The following ZRANB3 variants were observed in gnomAD, a reference collection of about 807,000 sequenced individuals.
ZRANB3 encodes zinc finger RANBP2-type containing 3, also known as DNA annealing helicase and endonuclease ZRANB3.
A neutral mutation model predicts 133.8 loss-of-function variants in ZRANB3; 125 were observed. The ratio of observed to expected loss-of-function variants is 0.93; its 90% CI spans 0.81 to 1.08. The LOEUF (loss-of-function observed/expected upper bound fraction) is 1.08, where lower values mean the gene tolerates loss of function less well. ZRANB3 is among the 50% of genes least tolerant of loss of function. ZRANB3 has a pLI of 0.00. For synonymous variants in ZRANB3, 387 were observed against 432.7 expected (o/e 0.89, Z 1.31); for missense variants, 1,229 against 1,275.5 (o/e 0.96, Z 0.56).
At chr2:135,382,264 G>A (rs1413648765) in intron 3 of ZRANB3, among the ~76,000 whole-genome samples, 1 of 152,124 alleles carries the variant, frequency 6.6e-6, no homozygotes, top group Non-Finnish European at 1.5e-5. Flanking sequence ...TCAAATGAAT[G>A]AAATGAAGCG....
In ZRANB3 at chr2:135,372,861, T is replaced by C. The variant is rs111966572; in HGVS notation, c.180+17941A>G. On this transcript the variant is annotated intron_variant, in intron 3 of 20. Coordinates refer to ENST00000264159, the MANE Select transcript of ZRANB3 (RefSeq NM_032143.4). Reference sequence around the variant, plus strand: ...AGCACTTTGGGAGGCCAAGGCAGGATTGCTTAGGCTAGGAGTTTGAGACCA... The same window carrying C: ...AGCACTTTGGGAGGCCAAGGCAGGACTGCTTAGGCTAGGAGTTTGAGACCA... Among the ~76,000 whole-genome samples the C allele has an allele frequency of 2.9e-3, 444 of 150,730 alleles. 3 individuals carry two copies. Among genetic ancestry groups the C allele is most frequent in the African/African-American group, 0.01 (413 of 40,940 alleles).
chr2:135,352,623 T>A (rs1282986344), intron 4 of ZRANB3, among the ~76,000 whole-genome samples: 5 of 152,166 alleles, frequency 3.3e-5, no homozygotes, highest in Non-Finnish European at 7.4e-5. Context: ...TTGTGTTTCC[T>A]CCTTCCACAT....
At chr2:135,405,570 G>C (rs973667162) in intron 2 of ZRANB3, among the ~76,000 whole-genome samples, 1 of 152,182 alleles carries the variant, frequency 6.6e-6, no homozygotes, top group African/African-American at 2.4e-5. Context: ...ATAGTTGGAA[G>C]TAAAGCACTC....
At chr2:135,234,021 C>G (rs545132776) in intron 12 of ZRANB3, among the ~76,000 whole-genome samples, 41 of 152,158 alleles carry the variant, frequency 2.7e-4, no homozygotes, top group African/African-American at 9.2e-4. Context: ...GAGTCAAGAC[C>G]CATCAGTGTG....
chr2:135,346,776 A>G (rs1466834012), intron 5 of ZRANB3, among the ~76,000 whole-genome samples: 1 of 152,338 alleles, frequency 6.6e-6, no homozygotes, highest in Admixed American at 6.5e-5. Flanking sequence ...ATTTTTAAAA[A>G]CCAACAGCTT....
At chr2:135,326,477 A>T (rs866269564) in intron 6 of ZRANB3, among the ~76,000 whole-genome samples, 30 of 152,186 alleles carry the variant, frequency 2.0e-4, no homozygotes, top group African/African-American at 5.1e-4. Context: ...AGTTTTTTTT[A>T]AATTTTACTT....
At chr2:135,237,198 C>T (rs1433382521) in intron 12 of ZRANB3, among the ~76,000 whole-genome samples, 18 of 151,724 alleles carry the variant, frequency 1.2e-4, no homozygotes, top group South Asian at 8.4e-4. Flanking sequence ...AAATGCTCAT[C>T]ATCACTGGCC....
rs564995601 is a variant in ZRANB3, at chr2:135,360,565, C to T, written c.181-6937G>A. 2.0e-4 allele frequency among the ~76,000 whole-genome samples: 31 copies of T among 151,418 alleles called. No homozygotes were observed. In the South Asian group the frequency reaches 2.7e-3, roughly 13 times the overall value. On this transcript the variant is annotated intron_variant, in intron 3 of 20. Coordinates refer to ENST00000264159, the MANE Select transcript of ZRANB3 (RefSeq NM_032143.4). ...CTAAAAATACAAAAAATTAGCCAAG[C>T]GTGGTGGTGAGCACCTGTAGTCCCA...
intron 2 of ZRANB3, among the ~76,000 whole-genome samples, chr2:135,419,457 G>A (rs1164555521): frequency 2.0e-5 from 3 of 152,078 alleles, no homozygotes; most frequent in East Asian, 3.9e-4. Context: ...GGAAGACTCT[G>A]AGAGAAAATC....
intron 6 of ZRANB3, among the ~76,000 whole-genome samples, 155 bp from the exon 7 acceptor site, chr2:135,315,685 A>G (rs1683216835): frequency 2.0e-5 from 3 of 152,246 alleles, no homozygotes; most frequent in African/African-American, 7.2e-5. Context: ...CTCAGCCTGA[A>G]AAACAGTAAT....
At chr2:135,378,721 A>T (rs1206868818) in intron 3 of ZRANB3, among the ~76,000 whole-genome samples, 1 of 152,214 alleles carries the variant, frequency 6.6e-6, no homozygotes, top group African/African-American at 2.4e-5. Flanking sequence ...TGATGACAAT[A>T]GCACTTCACC....
intron 12 of ZRANB3, among the ~76,000 whole-genome samples, chr2:135,254,832 C>T (rs774943117): frequency 1.5e-4 from 23 of 151,870 alleles, no homozygotes; most frequent in Non-Finnish European, 3.2e-4. Flanking sequence ...CTCACTGCAA[C>T]CTCCACCTCC....
chr2:135,454,898 G>A (rs1690430262), intron 2 of ZRANB3, among the ~76,000 whole-genome samples: 1 of 152,042 alleles, frequency 6.6e-6, no homozygotes, highest in Non-Finnish European at 1.5e-5. Context: ...GTGGTCTTGG[G>A]TCTCTCTCAA....
At chr2:135,473,963 T>C (rs1436935510) in intron 2 of ZRANB3, among the ~76,000 whole-genome samples, 1 of 152,124 alleles carries the variant, frequency 6.6e-6, no homozygotes, top group African/African-American at 2.4e-5. Flanking sequence ...AGCAGGCAGA[T>C]CAATTGATCT....
At chr2:135,240,182 A>C (rs908160995) in intron 12 of ZRANB3, among the ~76,000 whole-genome samples, 4 of 150,770 alleles carry the variant, frequency 2.7e-5, no homozygotes, top group Admixed American at 6.6e-5. Context: ...TCTCTACAAA[A>C]AACAGAAAAA....
At chr2:135,458,598 A>G (rs1690630879) in intron 2 of ZRANB3, among the ~76,000 whole-genome samples, 1 of 152,104 alleles carries the variant, frequency 6.6e-6, no homozygotes, top group Non-Finnish European at 1.5e-5. Flanking sequence ...AACTCTACTG[A>G]TGACAGAGGA....
At chr2:135,358,373 G>A (rs1055026326) in intron 3 of ZRANB3, among the ~76,000 whole-genome samples, 2 of 152,168 alleles carry the variant, frequency 1.3e-5, no homozygotes, top group Non-Finnish European at 2.9e-5. Flanking sequence ...AGAGAAACAA[G>A]TAGAAGCAGC....
chr2:135,521,341 G>A (rs1693931926), intron 1 of ZRANB3, among the ~76,000 whole-genome samples: 1 of 152,154 alleles, frequency 6.6e-6, no homozygotes, highest in Admixed American at 6.5e-5. Context: ...GAGGTCAGGA[G>A]TTCAAGACCA....
intron 2 of ZRANB3, among the ~76,000 whole-genome samples, chr2:135,399,152 C>T (rs994225124): frequency 6.6e-6 from 1 of 152,174 alleles, no homozygotes; most frequent in Admixed American, 6.5e-5. Context: ...TAAAAAGGCA[C>T]AATAGAATAT....
Sources: gnomAD v4.1 joint callset for allele counts (sites outside exome capture counted in the v4.1 genomes callset) on GRCh38, gnomAD v4.1.1 for gene constraint, MANE v1.5 for transcripts, NCBI Gene and HGNC (gene_info 2026-07-23, HGNC 2026-07-21) for gene names.